The following DIAPH2 variants were observed in gnomAD, a reference collection of about 807,000 sequenced individuals.
The protein encoded by DIAPH2 is diaphanous related formin 2.
A neutral mutation model predicts 92.7 loss-of-function variants in DIAPH2; 35 were observed. That is an observed-to-expected ratio of 0.38 (90% confidence interval 0.29 to 0.50). The LOEUF (loss-of-function observed/expected upper bound fraction) is 0.50. Among genes scored for constraint, DIAPH2 ranks in the 20% least tolerant of loss-of-function variants. The pLI, the probability that DIAPH2 is intolerant of heterozygous loss-of-function variation, is 0.94. For synonymous variants in DIAPH2, 301 were observed against 280.4 expected (o/e 1.07, Z -0.73); for missense variants, 701 against 819.5 (o/e 0.86, Z 1.77).
chrX:97,120,173 G>A (rs890360784), intron 21 of DIAPH2, among the ~76,000 whole-genome samples: 2 of 110,935 alleles, frequency 1.8e-5, no homozygotes, highest in Non-Finnish European at 3.8e-5. Context: ...ATGGTGCCAG[G>A]CAGGAATAGC....
chrX:96,899,566 T>C (rs2065376882), intron 5 of DIAPH2, among the ~76,000 whole-genome samples: 1 of 111,280 alleles, frequency 9.0e-6, no homozygotes, highest in South Asian at 3.8e-4. Flanking sequence ...GTGATTTTTG[T>C]ACATTGATTT....
chrX:97,299,013 G>A (rs772094656), intron 23 of DIAPH2, among the ~76,000 whole-genome samples: 2 of 111,518 alleles, frequency 1.8e-5, no homozygotes, highest in African/African-American at 3.3e-5. Flanking sequence ...TGTTTACCAC[G>A]TTTTTGAGGC....
intron 23 of DIAPH2, among the ~76,000 whole-genome samples, chrX:97,318,731 C>T (rs544646164): frequency 9.2e-6 from 1 of 109,132 alleles, no homozygotes; most frequent in Admixed American, 1.0e-4. Flanking sequence ...GTGATCCACC[C>T]GCCTTAGCCT....
intron 23 of DIAPH2, among the ~76,000 whole-genome samples, chrX:97,275,650 C>G (rs1214024277): frequency 4.7e-5 from 5 of 106,131 alleles, no homozygotes; most frequent in East Asian, 3.1e-4. Context: ...GGGTTGCGGC[C>G]GGACAGAGGC....
chrX:96,854,597 T>TTATATA (rs2065025656), intron 4 of DIAPH2, among the ~76,000 whole-genome samples: 1 of 62,243 alleles, frequency 1.6e-5, no homozygotes, highest in Non-Finnish European at 3.0e-5. Flanking sequence ...TCTCTCTCTC[T>TTATATA]CATATATATA....
At chrX:97,239,228 C>T (rs1045784062) in intron 22 of DIAPH2, among the ~76,000 whole-genome samples, 6 of 111,580 alleles carry the variant, frequency 5.4e-5, no homozygotes, top group Non-Finnish European at 1.1e-4. Flanking sequence ...AGAGTCCTTC[C>T]GTTCAAACTC....
intron 15 of DIAPH2, among the ~76,000 whole-genome samples, chrX:96,956,355 C>T (rs2147816068): frequency 8.9e-6 from 1 of 112,020 alleles, no homozygotes; most frequent in South Asian, 3.8e-4. Flanking sequence ...CCTAGGCCTC[C>T]AGGCCTGTGA....
At chrX:96,985,366 T>C (rs2066024028) in intron 17 of DIAPH2, among the ~76,000 whole-genome samples, 1 of 110,805 alleles carries the variant, frequency 9.0e-6, no homozygotes, top group South Asian at 3.8e-4. Context: ...GGGTTCTTTT[T>C]GTAGAATCAA....
intron 7 of DIAPH2, among the ~76,000 whole-genome samples, chrX:96,915,725 T>G (rs1339788980): frequency 8.9e-6 from 1 of 112,056 alleles, no homozygotes; most frequent in Admixed American, 9.4e-5. Flanking sequence ...TAATGAAAAC[T>G]CAAGTTTTAG....
At chrX:96,978,089 C>T (rs1286622334) in intron 17 of DIAPH2, among the ~76,000 whole-genome samples, 2 of 112,102 alleles carry the variant, frequency 1.8e-5, no homozygotes, top group Non-Finnish European at 3.8e-5. Flanking sequence ...TTTGTTCTTA[C>T]TGGATATTAA....
intron 22 of DIAPH2, among the ~76,000 whole-genome samples, chrX:97,225,427 A>T (rs1411408062): frequency 8.9e-6 from 1 of 111,741 alleles, no homozygotes; most frequent in African/African-American, 3.3e-5. Context: ...CTCTACATCA[A>T]AAAGGGTAGC....
At chrX:97,507,529 T>G (rs778699825) in intron 26 of DIAPH2, among the ~76,000 whole-genome samples, 22 of 111,459 alleles carry the variant, frequency 2.0e-4, no homozygotes, top group Non-Finnish European at 3.6e-4. Context: ...CTAGCCTCCT[T>G]ATGAGAGGTA....
intron 26 of DIAPH2, among the ~76,000 whole-genome samples, chrX:97,518,908 C>G (rs754113832): frequency 1.5e-4 from 17 of 111,439 alleles, no homozygotes; most frequent in Non-Finnish European, 3.2e-4. Context: ...ATTCCCGATT[C>G]CAGCTCAGTT....
intron 17 of DIAPH2, among the ~76,000 whole-genome samples, chrX:97,048,153 A>G (rs1437829527): frequency 1.8e-5 from 2 of 109,785 alleles, no homozygotes; most frequent in Non-Finnish European, 3.8e-5. Flanking sequence ...CCTTTACCCT[A>G]CTCAACTACT....
intron 5 of DIAPH2, among the ~76,000 whole-genome samples, chrX:96,912,034 AGAG>A (rs1321109118): frequency 9.0e-6 from 1 of 111,691 alleles, no homozygotes; most frequent in African/African-American, 3.3e-5. Context: ...GTATGGAGAC[AGAG>A]GAAGATGAAT....
chrX:97,396,381 G>C (rs1430826589), intron 25 of DIAPH2, among the ~76,000 whole-genome samples: 1 of 111,040 alleles, frequency 9.0e-6, no homozygotes, highest in Non-Finnish European at 1.9e-5. Context: ...AAAATCTACT[G>C]TTACACTTGG....
intron 25 of DIAPH2, among the ~76,000 whole-genome samples, chrX:97,411,610 G>T (rs1057070255): frequency 8.9e-6 from 1 of 111,997 alleles, no homozygotes; most frequent in Non-Finnish European, 1.9e-5. Flanking sequence ...AGACTGGCAA[G>T]TTGAATAAAG....
intron 26 of DIAPH2, among the ~76,000 whole-genome samples, chrX:97,432,475 AT>A (rs1556083626): frequency 9.5e-6 from 1 of 105,712 alleles, no homozygotes; most frequent in African/African-American, 3.5e-5. Flanking sequence ...TTGTATTTTT[AT>A]TTTATTTTTA....
chrX:97,133,898 AC>A (rs1329868780), intron 21 of DIAPH2, among the ~76,000 whole-genome samples: 1 of 112,226 alleles, frequency 8.9e-6, no homozygotes, highest in Non-Finnish European at 1.9e-5. Context: ...TTATTTAGAT[AC>A]AAGAACTTTT....
Sources: allele counts gnomAD v4.1 joint callset (sites outside exome capture counted in the v4.1 genomes callset), GRCh38; gene constraint gnomAD v4.1.1; transcripts MANE v1.5; gene names NCBI Gene and HGNC (gene_info 2026-07-23, HGNC 2026-07-21).